Variants in PLPPR5 observed in about 807,000 individuals in gnomAD.
PLPPR5 encodes the protein phospholipid phosphatase related 5, also known as phospholipid phosphatase-related protein type 5.
Under a neutral mutation model 33.9 loss-of-function variants are expected in PLPPR5, and 16 were observed. That is an observed-to-expected ratio of 0.47 (90% confidence interval 0.32 to 0.72). The LOEUF (loss-of-function observed/expected upper bound fraction) is 0.72, where lower values mean the gene tolerates loss of function less well. Ranked by LOEUF, PLPPR5 falls within the 30% of genes least tolerant of loss-of-function variation. The probability of loss-of-function intolerance (pLI) is 0.03; values close to 1 mark genes in which losing one functional copy is unlikely to be tolerated. For synonymous variants in PLPPR5, 163 were observed against 150.3 expected (o/e 1.08, Z -0.62); for missense variants, 301 against 406.7 (o/e 0.74, Z 2.23).
intron 1 of PLPPR5, among the ~76,000 whole-genome samples, chr1:98,980,952 A>G (rs1249988899): frequency 6.6e-6 from 1 of 152,084 alleles, no homozygotes; most frequent in Non-Finnish European, 1.5e-5. Flanking sequence ...GACAAAAGTT[A>G]ACTTCTTAGT....
At chr1:98,956,773 A>G in intron 1 of PLPPR5, 32 bp from the exon 2 acceptor site, 1 of 1,488,252 alleles carries the variant, frequency 6.7e-7, no homozygotes. Context: ...AAGGAATATT[A>G]GAATTTAACC....
chr1:98,904,062 T>A (rs1456387071), intron 5 of PLPPR5, among the ~76,000 whole-genome samples: 1 of 152,190 alleles, frequency 6.6e-6, no homozygotes, highest in Non-Finnish European at 1.5e-5. Flanking sequence ...AATTTTCATC[T>A]GTAATAGTAC....
chr1:98,931,343 G>A (rs1032820347), intron 3 of PLPPR5, among the ~76,000 whole-genome samples: 1 of 152,000 alleles, frequency 6.6e-6, no homozygotes, highest in African/African-American at 2.4e-5. Context: ...ACTGTGCTCG[G>A]TGCTTTACAT....
intron 5 of PLPPR5, among the ~76,000 whole-genome samples, chr1:98,912,688 T>A (rs928466189): frequency 6.6e-6 from 1 of 152,126 alleles, no homozygotes. Context: ...ATTCAATTAC[T>A]AAAAGGAAGA....
In PLPPR5 at chr1:98,892,951, A is replaced by G. The variant is rs530776147; in HGVS notation, c.*121T>C. On this transcript the variant is annotated 3_prime_UTR_variant, in exon 6 of 6. Transcript: ENST00000263177. The stretch of plus-strand genomic sequence containing the variant: ...CAGATAGGTTGACATTGATTTTAAA[A>G]TTATAAAAATTATTAAACAACTTTA... 1.5e-5 allele frequency: 14 copies of G among 965,160 alleles called. No homozygotes were observed. Among genetic ancestry groups the G allele is most frequent in the African/African-American group, 5.1e-5 (3 of 58,640 alleles). The allele number at this position is 965,160 out of a possible 1,614,324, so 59.8% of individuals were successfully genotyped here. A position where few individuals can be genotyped will look rare whatever the true frequency, so the allele number is the denominator to read the frequency against.
At chr1:98,923,384 G>A (rs1025538743) in intron 3 of PLPPR5, among the ~76,000 whole-genome samples, 1 of 152,148 alleles carries the variant, frequency 6.6e-6, no homozygotes, top group Non-Finnish European at 1.5e-5. Flanking sequence ...TCTTAGAAAT[G>A]CATATATACC....
chr1:98,909,174 T>C (rs1649022518), intron 5 of PLPPR5, among the ~76,000 whole-genome samples: 1 of 151,772 alleles, frequency 6.6e-6, no homozygotes, highest in Non-Finnish European at 1.5e-5. Flanking sequence ...CTCAGTTGCC[T>C]CCTTAAGTTT....
chr1:98,988,108 T>C (rs1452170984), intron 1 of PLPPR5, among the ~76,000 whole-genome samples: 1 of 152,068 alleles, frequency 6.6e-6, no homozygotes, highest in Non-Finnish European at 1.5e-5. Flanking sequence ...TGGAATGTGG[T>C]ATCTGAGAAA....
At chr1:98,957,242 C>G (rs996349227) in intron 1 of PLPPR5, among the ~76,000 whole-genome samples, 1 of 150,818 alleles carries the variant, frequency 6.6e-6, no homozygotes, top group African/African-American at 2.4e-5. Context: ...TGCTAGATGA[C>G]GAGTTAGTGG....
chr1:98,970,252 C>T (rs908084856), intron 1 of PLPPR5, among the ~76,000 whole-genome samples: 20 of 151,916 alleles, frequency 1.3e-4, no homozygotes, highest in Non-Finnish European at 2.6e-4. Flanking sequence ...GATTGAAACC[C>T]AAAAATAAAT....
chr1:98,947,810 A>G (rs1650611967), intron 3 of PLPPR5, among the ~76,000 whole-genome samples: 1 of 152,232 alleles, frequency 6.6e-6, no homozygotes, highest in Non-Finnish European at 1.5e-5. Context: ...TCATGGCACC[A>G]GTTGTCATAA....
At position 98,929,370 on chromosome 1, in the gene PLPPR5, T is replaced by C. The variant is rs80203033; in HGVS notation, c.622-7312A>G. 7.1e-3 allele frequency among the ~76,000 whole-genome samples: 1,086 copies of C among 152,330 alleles called. 14 individuals are homozygous for C. Among genetic ancestry groups the C allele is most frequent in the African/African-American group, 0.025 (1,039 of 41,574 alleles). ...AGGAGAAATAATGTATTCTAACTTA[T>C]GGGCATGGGGATAAAGCTCCTTATT... On this transcript the variant is annotated intron_variant, in intron 3 of 5. Transcript: ENST00000263177.
intron 1 of PLPPR5, among the ~76,000 whole-genome samples, chr1:98,999,620 A>G (rs1652752895): frequency 6.6e-6 from 1 of 152,204 alleles, no homozygotes; most frequent in Non-Finnish European, 1.5e-5. Flanking sequence ...CACCACGGGA[A>G]TGTTCCAGGA....
At chr1:98,959,315 TGCATCTCA>T (rs1651138861) in intron 1 of PLPPR5, among the ~76,000 whole-genome samples, 1 of 152,220 alleles carries the variant, frequency 6.6e-6, no homozygotes, top group South Asian at 2.1e-4. Flanking sequence ...CTTGCTTGCC[TGCATCTCA>T]GCACATTTCA....
chr1:99,003,295 T>C (rs544587233), intron 1 of PLPPR5, among the ~76,000 whole-genome samples: 2 of 149,638 alleles, frequency 1.3e-5, no homozygotes, highest in African/African-American at 4.9e-5. Flanking sequence ...CTCCTAAAAT[T>C]AAAAAAAAAG....
chr1:98,974,459 G>T (rs1319554435), intron 1 of PLPPR5, among the ~76,000 whole-genome samples: 2 of 152,032 alleles, frequency 1.3e-5, no homozygotes, highest in African/African-American at 4.8e-5. Context: ...CCTGGCAATG[G>T]GTTTGACTTA....
At chr1:99,003,255 T>A (rs867301990) in intron 1 of PLPPR5, among the ~76,000 whole-genome samples, 3 of 151,464 alleles carry the variant, frequency 2.0e-5, no homozygotes, top group African/African-American at 7.3e-5. Flanking sequence ...TTAGGAACTT[T>A]TCATTATTTT....
At chr1:98,964,409 G>T (rs1233452743) in intron 1 of PLPPR5, among the ~76,000 whole-genome samples, 1 of 152,094 alleles carries the variant, frequency 6.6e-6, no homozygotes, top group Non-Finnish European at 1.5e-5. Context: ...GGATCAACGG[G>T]CCTCCCATGG....
intron 1 of PLPPR5, among the ~76,000 whole-genome samples, chr1:98,981,414 A>C (rs1652060268): frequency 6.6e-6 from 1 of 152,034 alleles, no homozygotes; most frequent in South Asian, 2.1e-4. Context: ...CAGCCTAAAC[A>C]ACTTTGCATG....
Sources: gnomAD v4.1 joint callset for allele counts (sites outside exome capture counted in the v4.1 genomes callset) on GRCh38, gnomAD v4.1.1 for gene constraint, MANE v1.5 for transcripts, NCBI Gene and HGNC (gene_info 2026-07-23, HGNC 2026-07-21) for gene names.